The following COL2A1 variants were observed in gnomAD, a reference collection of about 807,000 sequenced individuals.
COL2A1 encodes the protein collagen type II alpha 1 chain, also known as collagen alpha-1(II) chain.
COL2A1 carries 28 observed loss-of-function variants against 204.5 expected under a neutral mutation model. The ratio of observed to expected loss-of-function variants is 0.14; its 90% CI spans 0.10 to 0.19. The LOEUF is 0.19. Among genes scored for constraint, COL2A1 ranks in the 10% least tolerant of loss-of-function variants. The pLI is 1.00. For missense variants in COL2A1, 1,388 were observed against 2,027.5 expected, an observed-to-expected ratio of 0.68 and a Z score of 6.06; for synonymous variants, 708 against 718.7, an observed-to-expected ratio of 0.99 and a Z score of 0.24.
rs121912880 is a variant in COL2A1 at position 47,986,353 on chromosome 12, C to A, written c.1510G>T (p.Gly504Cys). The change falls in exon 23 of 54, where the codon GGT becomes TGT. Residue 504 changes from glycine to cysteine, a missense_variant. This residue lies in a region of COL2A1 where 884 missense variants were observed against 1,415.8 expected (regional missense o/e 0.62). Transcript: ENST00000380518. ...RGEPGGVGPI[G>C]PPGERGAPGN... is the part of the protein sequence containing the mutation. ...CACTTAACTCTTTCTCCAGGGGGAC[C>A]GATGGGCCCAACGCCACCAGGCTCT... is the stretch of plus-strand genomic sequence containing the variant. 6.4e-7 allele frequency: 1 copy of A among 1,565,672 alleles called. No homozygotes were observed. The highest frequency in any genetic ancestry group is 8.7e-7 in the Non-Finnish European group (1 of 1,154,064).
chr12:47,982,961 C>T lies in COL2A1; in HGVS notation c.2095-15G>A, dbSNP rs375487711. The T allele has an allele frequency of 2.7e-5, 43 of 1,613,206 alleles. No homozygotes were observed. The highest frequency in any genetic ancestry group is 8.3e-5 in the Admixed American group (5 of 59,986). ...CCTCGTTCACCCTGCGGCAGAGACA[C>T]CAAGAAGTGATCAACCAACAGCAGT... is the stretch of plus-strand genomic sequence containing the variant. On this transcript the variant is annotated splice_polypyrimidine_tract_variant and intron_variant, in intron 32 of 53. Transcript: ENST00000380518.
At chr12:47,973,719 C>G (rs1268664126) in intron 53 of COL2A1, among the ~76,000 whole-genome samples, 166 bp from the exon 54 acceptor site, 1 of 152,134 alleles carries the variant, frequency 6.6e-6, no homozygotes, top group African/African-American at 2.4e-5. Context: ...AAAGGCCTCT[C>G]CACTTCAACT....
In COL2A1 at chr12:47,987,788, C is replaced by A; in HGVS notation, c.1123-79G>T. Reference sequence around the variant, plus strand: ...CTAGTGGGTGGGCAATAGCTCAGGGCCAGCTGCAAGCACAGCACTAAATTA... The same window carrying A: ...CTAGTGGGTGGGCAATAGCTCAGGGACAGCTGCAAGCACAGCACTAAATTA... On this transcript the variant is annotated intron_variant, in intron 18 of 53. Coordinates refer to ENST00000380518, the MANE Select transcript of COL2A1 (RefSeq NM_001844.5). This position sits in a 1 kb window ranked among gnomAD's most constrained non-coding sequence, Gnocchi z 4.1. 6 of 1,101,614 alleles carry A rather than the reference C, an allele frequency of 5.4e-6. No homozygotes were observed. The highest frequency in any genetic ancestry group is 8.2e-6 in the Non-Finnish European group (6 of 735,590). 68.2% of individuals were successfully genotyped at this position (1,101,614 alleles called of 1,614,324 possible). A position where few individuals can be genotyped will look rare whatever the true frequency, so the allele number is the denominator to read the frequency against.
rs371956146 is a variant in COL2A1 at position 47,978,775 on chromosome 12, C to T, written c.2734-17G>A. On this transcript the variant is annotated splice_polypyrimidine_tract_variant and intron_variant, in intron 41 of 53. Transcript: ENST00000380518. The surrounding 1 kb of genome is among the most constrained non-coding windows in gnomAD (Gnocchi z 5.5). ...AGGGTTGCCCTAGAAGGAGAAAATG[C>T]GGGAAGTGAGGACTCATCTCACCCT... is the stretch of plus-strand genomic sequence containing the variant. 16 of 1,610,936 alleles carry T rather than the reference C, an allele frequency of 9.9e-6. No individual in the cohort carries two copies. The highest frequency in any genetic ancestry group is 4.5e-5 in the East Asian group (2 of 44,862).
At chr12:47,983,511 G>T in intron 30 of COL2A1, 73 bp from the exon 31 acceptor site, 1 of 1,527,692 alleles carries the variant, frequency 6.5e-7, no homozygotes, top group Non-Finnish European at 9.0e-7. Context: ...GCACAGTATA[G>T]GGCAGACCCA....
chr12:47,991,757 G>A (rs1156608001), intron 16 of COL2A1, among the ~76,000 whole-genome samples: 2 of 152,198 alleles, frequency 1.3e-5, no homozygotes, highest in Non-Finnish European at 2.9e-5. Context: ...TAGGGCCACC[G>A]CAGCTCTGAG....
chr12:47,998,352 C>A, intron 3 of COL2A1, 63 bp downstream of exon 3: 1 of 1,525,664 alleles, frequency 6.6e-7, no homozygotes, highest in Non-Finnish European at 9.1e-7. Flanking sequence ...CATAGCATTG[C>A]TTTTGAAGCA....
intron 2 of COL2A1, 143 bp downstream of exon 2, chr12:47,999,776 G>T: frequency 1.4e-6 from 1 of 701,500 alleles, no homozygotes; most frequent in Non-Finnish European, 2.5e-6. Flanking sequence ...GTGAGAAGTG[G>T]CCTTTCCTTT....
Position 47,987,669 on chromosome 12 carries a change from G to A in COL2A1, c.1163C>T (p.Ala388Val). Residue 388 changes from alanine to valine, a missense_variant, in exon 19 of 54, where the codon GCT (alanine) becomes GTT (valine). By Grantham distance (64) the Ala-to-Val change is moderately conservative. Around this residue, in one of 3 missense-constraint regions of COL2A1, gnomAD observed 884 missense variants for 1,415.8 expected, o/e 0.62. Coordinates refer to ENST00000380518, the MANE Select transcript of COL2A1 (RefSeq NM_001844.5). The surrounding 1 kb of genome is among the most constrained non-coding windows in gnomAD (Gnocchi z 4.1). ...GPTGARGPEG[A>V]QGPRGEPGTP... ...ACCAGGTTCACCGCGAGGACCTTGAGCACCTTCAGGACCACGGGCACCAGT... is the reference window on the plus strand; with the variant it reads ...ACCAGGTTCACCGCGAGGACCTTGAACACCTTCAGGACCACGGGCACCAGT... 1 of 1,613,336 alleles carries A rather than the reference G, an allele frequency of 6.2e-7. No homozygotes were observed. The highest frequency in any genetic ancestry group is 8.5e-7 in the Non-Finnish European group (1 of 1,179,684).
In COL2A1 at chr12:47,984,148, G is replaced by A. The variant is rs775966823; in HGVS notation, c.1888-8C>T. 3 of 1,613,266 alleles carry A rather than the reference G, an allele frequency of 1.9e-6. No homozygotes were observed. The highest frequency in any genetic ancestry group is 2.5e-6 in the Non-Finnish European group (3 of 1,179,656). ...ATCTTTGCCAGGAAGACCCTAGACAGAAGAGAAAAAGAAAAGTCAATGACA... is the reference window on the plus strand; with the variant it reads ...ATCTTTGCCAGGAAGACCCTAGACAAAAGAGAAAAAGAAAAGTCAATGACA... On this transcript the variant is annotated splice_polypyrimidine_tract_variant and splice_region_variant and intron_variant, in intron 28 of 53. Transcript: ENST00000380518.
Position 47,995,716 on chromosome 12 carries a change from A to G in COL2A1, c.702T>C (p.Gly234=), listed in dbSNP as rs750580869. 5 of 1,613,896 alleles carry G rather than the reference A, an allele frequency of 3.1e-6. No homozygotes were observed. The highest frequency in any genetic ancestry group is 4.2e-6 in the Non-Finnish European group (5 of 1,179,886). Residue 234 remains glycine (G), a synonymous_variant, in exon 10 of 54, where the codon GGT becomes GGC. Coordinates refer to ENST00000380518, the MANE Select transcript of COL2A1 (RefSeq NM_001844.5). ...GGGCCGTGCTGGTACTCACAGAGAC[A>G]CCAGGTTCACCAGGTTCACCAGGAT... The part of the protein sequence containing the change: ...QGNPGEPGEP[G]VSGPMGPRGP...
Position 47,987,356 on chromosome 12 carries a change from C to A in COL2A1, c.1222-43G>T, listed in dbSNP as rs558814096. On this transcript the variant is annotated intron_variant, in intron 19 of 53. Transcript: ENST00000380518. The surrounding 1 kb of genome is among the most constrained non-coding windows in gnomAD (Gnocchi z 4.1). ...GTCAAATAAGCAGCAAAGAATGAACCCCAACCACCTCCAGCCCTCCAGGAT... is the reference window on the plus strand; with the variant it reads ...GTCAAATAAGCAGCAAAGAATGAACACCAACCACCTCCAGCCCTCCAGGAT... 181 of 1,605,474 alleles carry A rather than the reference C, an allele frequency of 1.1e-4. 3 individuals carry two copies. The South Asian group carries it at 1.8e-3, about 16-fold the overall frequency.
rs1193718035 is a variant in COL2A1 at position 47,982,965 on chromosome 12, G to A, written c.2095-19C>T. 6.2e-7 allele frequency: 1 copy of A among 1,613,118 alleles called. No individual in the cohort carries two copies. Among genetic ancestry groups the A allele is most frequent in the South Asian group, 1.1e-5 (1 of 91,048 alleles). On this transcript the variant is annotated intron_variant, in intron 32 of 53. Transcript: ENST00000380518. ...GTTCACCCTGCGGCAGAGACACCAA[G>A]AAGTGATCAACCAACAGCAGTGGGG...
chr12:47,994,095 G>A (rs1481839755), intron 12 of COL2A1, 48 bp from the exon 13 acceptor site: 1 of 1,608,826 alleles, frequency 6.2e-7, no homozygotes, highest in Non-Finnish European at 8.5e-7. Flanking sequence ...AAATAACAGT[G>A]GAAAGCTGCC....
intron 26 of COL2A1, 85 bp from the exon 27 acceptor site, chr12:47,985,178 G>T: frequency 9.1e-7 from 1 of 1,103,184 alleles, no homozygotes; most frequent in Non-Finnish European, 1.4e-6. Flanking sequence ...TACATGGCAG[G>T]CCCAGGACTA....
chr12:47,995,939 G>A lies in COL2A1; in HGVS notation c.610-20C>T. ...GGGGCCCTGCATCGGAACAGAAAAT[G>A]AGGGGTTTACTACACATGCTTCCTC... On this transcript the variant is annotated intron_variant, in intron 8 of 53. Coordinates refer to ENST00000380518, the MANE Select transcript of COL2A1 (RefSeq NM_001844.5). 1 of 1,608,578 alleles carries A rather than the reference G, an allele frequency of 6.2e-7. No homozygotes were observed. The highest frequency in any genetic ancestry group is 1.3e-5 in the African/African-American group (1 of 74,912).
chr12:47,979,442 A>T (rs909166582), intron 41 of COL2A1, 69 bp downstream of exon 41: 8 of 1,521,148 alleles, frequency 5.3e-6, no homozygotes, highest in Non-Finnish European at 7.3e-6. Context: ...AGCTCTCCAG[A>T]CCCTGTTGGG....
Position 47,976,098 on chromosome 12 carries a change from G to T in COL2A1, c.3490-28C>A, listed in dbSNP as rs554937059. 1 of 1,544,238 alleles carries T rather than the reference G, an allele frequency of 6.5e-7. No individual in the cohort carries two copies. Among genetic ancestry groups the T allele is most frequent in the East Asian group, 2.2e-5 (1 of 44,526 alleles). ...GCAAGAGAGAGAGGTCGTGAGGAAA[G>T]AGTGGTCACCACAGGGAAGGCTGGG... is the stretch of plus-strand genomic sequence containing the variant. On this transcript the variant is annotated intron_variant, in intron 49 of 53. Coordinates refer to ENST00000380518, the MANE Select transcript of COL2A1 (RefSeq NM_001844.5). The surrounding 1 kb of genome is among the most constrained non-coding windows in gnomAD (Gnocchi z 4.3).
intron 10 of COL2A1, 91 bp downstream of exon 10, chr12:47,995,619 G>T: frequency 7.7e-7 from 1 of 1,291,338 alleles, no homozygotes; most frequent in Non-Finnish European, 1.1e-6. Context: ...GAAAGAGCTG[G>T]GCAGAGCCTG....
Sources: gnomAD v4.1 joint callset for allele counts (sites outside exome capture counted in the v4.1 genomes callset) on GRCh38, gnomAD v4.1.1 for gene constraint, gnomAD v4.1.1 regional missense constraint, Gnocchi (gnomAD v3.1) non-coding constraint, MANE v1.5 for transcripts, NCBI Gene and HGNC (gene_info 2026-07-23, HGNC 2026-07-21) for gene names.